Variants in CEP120 observed in about 807,000 individuals in gnomAD.
CEP120 encodes the protein centrosomal protein of 120 kDa.
Under a neutral mutation model 126.5 loss-of-function variants are expected in CEP120, and 113 were observed. The ratio of observed to expected loss-of-function variants is 0.89; its 90% CI spans 0.77 to 1.04. The LOEUF (loss-of-function observed/expected upper bound fraction) is 1.04, where lower values mean the gene tolerates loss of function less well. Ranked by LOEUF, CEP120 falls within the 50% of genes least tolerant of loss-of-function variation. The pLI, the probability that CEP120 is intolerant of heterozygous loss-of-function variation, is 0.00. For missense variants in CEP120, 1,230 were observed against 1,155.7 expected (o/e 1.06, Z -0.93); for synonymous variants, 400 against 394.3 (o/e 1.01, Z -0.17).
At chr5:123,422,402 T>C in intron 1 of CEP120, 2 of 1,026,506 alleles carry the variant, frequency 1.9e-6, no homozygotes, top group South Asian at 2.8e-5. Flanking sequence ...CATTCTTACA[T>C]TCCCAGCACA....
intron 5 of CEP120, among the ~76,000 whole-genome samples, chr5:123,398,787 G>C (rs1228144891): frequency 2.0e-5 from 3 of 152,124 alleles, no homozygotes; most frequent in African/African-American, 7.2e-5. Flanking sequence ...GTGGCAGAAA[G>C]TATTCCTGAC....
At chr5:123,421,798 C>T (rs1326298838) in intron 1 of CEP120, among the ~76,000 whole-genome samples, 2 of 152,134 alleles carry the variant, frequency 1.3e-5, no homozygotes, top group African/African-American at 4.8e-5. Flanking sequence ...TTATTTCAGT[C>T]CTATGTTTTT....
rs1770314831 is a variant in CEP120 at position 123,364,485 on chromosome 5, A to C, written c.2580+11T>G. On this transcript the variant is annotated intron_variant, in intron 18 of 19. Coordinates refer to ENST00000306467, the MANE Select transcript of CEP120 (RefSeq NM_001375405.1). ...AAAAGATATAAAAAGAATAAGCTAT[A>C]AACTACATACCTGTTTAAGTCTGGC... 1 of 1,564,072 alleles carries C rather than the reference A, an allele frequency of 6.4e-7. No individual in the cohort carries two copies. Among genetic ancestry groups the C allele is most frequent in the African/African-American group, 1.4e-5 (1 of 73,114 alleles).
intron 7 of CEP120, 85 bp downstream of exon 7, chr5:123,391,025 G>GATTAATAAATATATCCTTAT (rs1562055390): frequency 1.8e-5 from 16 of 897,556 alleles, no homozygotes; most frequent in Non-Finnish European, 2.8e-5. Flanking sequence ...TCCTTATGAA[G>GATTAATAAATATATCCTTAT]GTAACTCTTC....
At chr5:123,371,952 A>G (rs1462555779) in intron 17 of CEP120, among the ~76,000 whole-genome samples, 1 of 152,130 alleles carries the variant, frequency 6.6e-6, no homozygotes, top group African/African-American at 2.4e-5. Flanking sequence ...AAGTTATTAA[A>G]TCATAAAATG....
chr5:123,365,336 T>G (rs1770381168), intron 17 of CEP120, among the ~76,000 whole-genome samples: 1 of 151,732 alleles, frequency 6.6e-6, no homozygotes, highest in Non-Finnish European at 1.5e-5. Flanking sequence ...TTTTGGAATG[T>G]ACTCAGTGTT....
chr5:123,375,605 G>A (rs1226790430), intron 16 of CEP120, among the ~76,000 whole-genome samples: 1 of 152,126 alleles, frequency 6.6e-6, no homozygotes, highest in African/African-American at 2.4e-5. Flanking sequence ...TTACAAGTGT[G>A]AACCACTGTG....
At chr5:123,377,745 C>T (rs1580675095) in intron 15 of CEP120, among the ~76,000 whole-genome samples, 1 of 151,962 alleles carries the variant, frequency 6.6e-6, no homozygotes, top group Non-Finnish European at 1.5e-5. Context: ...TATAAAAATC[C>T]ATAAACAATT....
At chr5:123,418,944 T>A (rs1445111019) in intron 1 of CEP120, among the ~76,000 whole-genome samples, 3 of 152,208 alleles carry the variant, frequency 2.0e-5, no homozygotes, top group African/African-American at 7.2e-5. Flanking sequence ...TTCCATAAGC[T>A]ACCTCACTAA....
chr5:123,367,263 T>C (rs1770531444), intron 17 of CEP120, among the ~76,000 whole-genome samples: 1 of 151,950 alleles, frequency 6.6e-6, no homozygotes, highest in Admixed American at 6.6e-5. Flanking sequence ...TCACCAAATA[T>C]TCTTACATAC....
chr5:123,412,604 G>T, intron 3 of CEP120, 64 bp from the exon 4 acceptor site: 2 of 1,163,484 alleles, frequency 1.7e-6, no homozygotes, highest in Non-Finnish European at 2.4e-6. Context: ...ATTGGGAAAT[G>T]CTATACAGTT....
At chr5:123,399,099 A>G (rs1432108511) in intron 5 of CEP120, 37 bp downstream of exon 5, 1 of 1,464,420 alleles carries the variant, frequency 6.8e-7, no homozygotes, top group East Asian at 2.3e-5. Flanking sequence ...TAGTTTTCAA[A>G]TTATTCGTAA....
intron 11 of CEP120, among the ~76,000 whole-genome samples, chr5:123,383,695 T>C (rs922358070): frequency 9.2e-5 from 14 of 152,150 alleles, no homozygotes; most frequent in African/African-American, 2.9e-4. Context: ...CTAGGCCTAA[T>C]TGGCACATAA....
intron 19 of CEP120, among the ~76,000 whole-genome samples, chr5:123,348,302 T>C (rs6595438): frequency 0.41 from 62,300 of 152,004 alleles, 12,816 homozygotes; most frequent in East Asian, 0.48. Context: ...ACAAATTTGA[T>C]AGGCAACATG....
chr5:123,395,605 C>CT (rs895214689), intron 5 of CEP120, among the ~76,000 whole-genome samples: 23 of 151,652 alleles, frequency 1.5e-4, no homozygotes, highest in African/African-American at 5.3e-4. Context: ...AATATGTGGC[C>CT]TTTTGTGTCT....
intron 10 of CEP120, among the ~76,000 whole-genome samples, chr5:123,385,786 T>C (rs1771979588): frequency 6.6e-6 from 1 of 152,096 alleles, no homozygotes; most frequent in Admixed American, 6.6e-5. Flanking sequence ...GTATTTTTTG[T>C]AGAGACAGGG....
At chr5:123,370,713 A>C (rs542934138) in intron 17 of CEP120, among the ~76,000 whole-genome samples, 3 of 148,506 alleles carry the variant, frequency 2.0e-5, no homozygotes, top group South Asian at 4.2e-4. Flanking sequence ...ATATACCTAT[A>C]TACATACATA....
chr5:123,378,658 A>G (rs1286372313), intron 14 of CEP120, among the ~76,000 whole-genome samples: 2 of 152,112 alleles, frequency 1.3e-5, no homozygotes, highest in East Asian at 1.9e-4. Flanking sequence ...GATAAACACA[A>G]ATTTTAACTG....
intron 18 of CEP120, among the ~76,000 whole-genome samples, chr5:123,359,447 GTTGTT>G (rs1299088345): frequency 6.6e-6 from 1 of 152,054 alleles, no homozygotes; most frequent in Non-Finnish European, 1.5e-5. Context: ...ATGCAAATAT[GTTGTT>G]TAGAGCACAA....
Sources: gnomAD v4.1 joint callset for allele counts (sites outside exome capture counted in the v4.1 genomes callset) on GRCh38, gnomAD v4.1.1 for gene constraint, MANE v1.5 for transcripts, NCBI Gene and HGNC (gene_info 2026-07-23, HGNC 2026-07-21) for gene names.